GRIK1: variants seen among roughly 807,000 people sequenced by gnomAD.
GRIK1 encodes glutamate receptor ionotropic, kainate 1.
In GRIK1, 69 loss-of-function variants were observed where a neutral mutation model predicts 105.7. That is an observed-to-expected ratio of 0.65 (90% confidence interval 0.54 to 0.80). The LOEUF (loss-of-function observed/expected upper bound fraction) is 0.80, where lower values mean the gene tolerates loss of function less well. Ranked by LOEUF, GRIK1 falls within the 30% of genes least tolerant of loss-of-function variation. GRIK1 has a pLI of 0.00. For missense variants in GRIK1, 1,109 were observed against 1,167.3 expected (o/e 0.95, Z 0.73); for synonymous variants, 438 against 431.3 (o/e 1.02, Z -0.19).
At chr21:29,599,351 T>A (rs1032322804) in intron 7 of GRIK1, among the ~76,000 whole-genome samples, 6 of 152,222 alleles carry the variant, frequency 3.9e-5, no homozygotes, top group African/African-American at 1.4e-4. Flanking sequence ...TAGACTAATA[T>A]AGTCCAATGA....
At chr21:29,606,959 C>T (rs957929562) in intron 7 of GRIK1, among the ~76,000 whole-genome samples, 5 of 152,212 alleles carry the variant, frequency 3.3e-5, no homozygotes, top group African/African-American at 1.2e-4. Context: ...GCCACTTTCA[C>T]TGCCTACTGA....
intron 7 of GRIK1, among the ~76,000 whole-genome samples, chr21:29,636,847 C>A (rs1483999562): frequency 6.6e-6 from 1 of 151,976 alleles, no homozygotes; most frequent in African/African-American, 2.4e-5. Flanking sequence ...TTTTTTATAT[C>A]AATTATCAGT....
At chr21:29,885,526 T>C (rs2069588305) in intron 1 of GRIK1, among the ~76,000 whole-genome samples, 1 of 152,072 alleles carries the variant, frequency 6.6e-6, no homozygotes, top group Admixed American at 6.6e-5. Context: ...CTATTTGCCA[T>C]TTAGAATTTT....
chr21:29,790,223 AT>A (rs1424498862), intron 1 of GRIK1, among the ~76,000 whole-genome samples: 2 of 151,980 alleles, frequency 1.3e-5, no homozygotes, highest in African/African-American at 4.8e-5. Flanking sequence ...CAATTTTTGT[AT>A]TTTTGGTAGA....
chr21:29,874,641 T>C (rs73900263), intron 1 of GRIK1, among the ~76,000 whole-genome samples: 1,626 of 152,276 alleles, frequency 0.011, 25 homozygotes, highest in African/African-American at 0.037. Flanking sequence ...TTTAGGAGCA[T>C]GTATTAATAT....
At chr21:29,600,324 A>T (rs1470164261) in intron 7 of GRIK1, among the ~76,000 whole-genome samples, 2 of 152,150 alleles carry the variant, frequency 1.3e-5, no homozygotes, top group Non-Finnish European at 2.9e-5. Context: ...ATCATTTCAA[A>T]TAACAAAAAA....
At chr21:29,550,107 C>CAAAAAAAAAAAAAA (rs34939329) in intron 16 of GRIK1, among the ~76,000 whole-genome samples, 12 of 53,490 alleles carry the variant, frequency 2.2e-4, no homozygotes, top group African/African-American at 8.5e-4. Context: ...GACTCCATCT[C>CAAAAAAAAAAAAAA]AAAAAAAAAA....
intron 1 of GRIK1, among the ~76,000 whole-genome samples, chr21:29,798,030 C>T (rs879396174): frequency 1.3e-5 from 2 of 152,046 alleles, no homozygotes; most frequent in Admixed American, 6.6e-5. Context: ...TATGTAAGTC[C>T]CCAGAGTACT....
intron 1 of GRIK1, among the ~76,000 whole-genome samples, chr21:29,892,626 C>T (rs1457659063): frequency 6.6e-6 from 1 of 152,140 alleles, no homozygotes; most frequent in Non-Finnish European, 1.5e-5. Flanking sequence ...GTGGACCGAC[C>T]CAAGATGAAG....
chr21:29,568,719 A>G (rs969085903), intron 14 of GRIK1, among the ~76,000 whole-genome samples: 1 of 152,208 alleles, frequency 6.6e-6, no homozygotes, highest in East Asian at 1.9e-4. Flanking sequence ...TTCTGCCACT[A>G]CTTCCTGTCT....
chr21:29,718,591 A>C (rs751728684), intron 1 of GRIK1, among the ~76,000 whole-genome samples: 1 of 152,230 alleles, frequency 6.6e-6, no homozygotes, highest in Non-Finnish European at 1.5e-5. Context: ...TGATTCAAAG[A>C]GATGTCATAG....
intron 16 of GRIK1, among the ~76,000 whole-genome samples, chr21:29,543,477 C>G (rs528240531): frequency 6.6e-6 from 1 of 152,270 alleles, no homozygotes; most frequent in African/African-American, 2.4e-5. Flanking sequence ...TTTATGTGTA[C>G]TACCCTTGTG....
At chr21:29,580,994 A>G (rs931356955) in intron 13 of GRIK1, among the ~76,000 whole-genome samples, 4 of 152,156 alleles carry the variant, frequency 2.6e-5, no homozygotes, top group Admixed American at 6.5e-5. Flanking sequence ...TTGCCAGAGT[A>G]GTAATTAGGT....
chr21:29,892,632 T>A, intron 1 of GRIK1, among the ~76,000 whole-genome samples: 1 of 152,140 alleles, frequency 6.6e-6, no homozygotes, highest in East Asian at 1.9e-4. Context: ...CGACCCAAGA[T>A]GAAGAAACGC....
intron 3 of GRIK1, among the ~76,000 whole-genome samples, chr21:29,684,664 C>T (rs376378049): frequency 4.2e-4 from 64 of 152,128 alleles, no homozygotes; most frequent in Admixed American, 1.0e-3. Context: ...CCCGCCACCA[C>T]GCCAGGCTAA....
chr21:29,583,245 A>T (rs2091060360), intron 12 of GRIK1, among the ~76,000 whole-genome samples: 2 of 152,184 alleles, frequency 1.3e-5, no homozygotes. Flanking sequence ...CAACAATATA[A>T]TTAAGTTTTG....
intron 14 of GRIK1, among the ~76,000 whole-genome samples, chr21:29,574,457 C>T (rs951338689): frequency 2.6e-5 from 4 of 152,158 alleles, no homozygotes; most frequent in Non-Finnish European, 5.9e-5. Flanking sequence ...TCTATCTTGC[C>T]AGTGCCCCTC....
intron 1 of GRIK1, among the ~76,000 whole-genome samples, chr21:29,757,063 G>T (rs976899555): frequency 1.1e-4 from 17 of 152,044 alleles, no homozygotes; most frequent in African/African-American, 3.9e-4. Context: ...GTTGCAGTGA[G>T]CCAAGATCGC....
At chr21:29,790,718 G>A (rs920807039) in intron 1 of GRIK1, among the ~76,000 whole-genome samples, 1 of 152,192 alleles carries the variant, frequency 6.6e-6, no homozygotes, top group African/African-American at 2.4e-5. Context: ...CTCCCAGAGT[G>A]CTGGGATTAC....
Sources: gnomAD v4.1 joint callset for allele counts (sites outside exome capture counted in the v4.1 genomes callset) on GRCh38, gnomAD v4.1.1 for gene constraint, MANE v1.5 for transcripts, NCBI Gene and HGNC (gene_info 2026-07-23, HGNC 2026-07-21) for gene names.